MAGI3: variants seen among roughly 807,000 people sequenced by gnomAD.
MAGI3 encodes membrane associated guanylate kinase, WW and PDZ domain containing 3, also known as membrane-associated guanylate kinase, WW and PDZ domain-containing protein 3.
In MAGI3, 43 loss-of-function variants were observed where a neutral mutation model predicts 121.8. The ratio of observed to expected loss-of-function variants is 0.35; its 90% confidence interval spans 0.28 to 0.46. The LOEUF is 0.46. Among genes scored for constraint, MAGI3 ranks in the 20% least tolerant of loss-of-function variants. MAGI3 has a pLI of 1.00. For synonymous variants in MAGI3, 553 were observed against 639.3 expected, an observed-to-expected ratio of 0.86 and a Z score of 2.04; for missense variants, 1,547 against 1,797.3, an observed-to-expected ratio of 0.86 and a Z score of 2.52.
At chr1:113,612,331 A>C (rs1306170220) in intron 6 of MAGI3, among the ~76,000 whole-genome samples, 1 of 152,098 alleles carries the variant, frequency 6.6e-6, no homozygotes, top group African/African-American at 2.4e-5. Flanking sequence ...AAAAAAGATT[A>C]TGTTTATCTT....
intron 1 of MAGI3, among the ~76,000 whole-genome samples, chr1:113,451,403 C>A (rs1400421430): frequency 1.3e-5 from 2 of 152,040 alleles, no homozygotes; most frequent in African/African-American, 4.8e-5. Context: ...AGAAAATAAT[C>A]AAAACTGTGC....
intron 1 of MAGI3, among the ~76,000 whole-genome samples, chr1:113,397,196 C>CA (rs1372320238): frequency 6.6e-6 from 1 of 151,926 alleles, no homozygotes; most frequent in Non-Finnish European, 1.5e-5. Context: ...ATATGTTTTA[C>CA]AAAAAAACTT....
chr1:113,603,526 C>A (rs1455620227), intron 6 of MAGI3, among the ~76,000 whole-genome samples: 1 of 152,022 alleles, frequency 6.6e-6, no homozygotes, highest in Non-Finnish European at 1.5e-5. Context: ...CACCCTGATA[C>A]CAAAACCGGG....
In MAGI3 at chr1:113,391,360, C is replaced by T. The variant is rs987627805; in HGVS notation, c.316+11C>T. On this transcript the variant is annotated intron_variant, in intron 1 of 20. Transcript: ENST00000307546. This position sits in a 1 kb window ranked among gnomAD's most constrained non-coding sequence, Gnocchi z 4.4. ...AGACTGTGAAACCAGGTACGCCGGC[C>T]CTGCGTATCTGTCTCGGGGTGTTGG... 1.9e-6 allele frequency: 3 copies of T among 1,581,840 alleles called. No individual in the cohort carries two copies. Among genetic ancestry groups the T allele is most frequent in the South Asian group, 1.2e-5 (1 of 86,310 alleles).
intron 19 of MAGI3, among the ~76,000 whole-genome samples, chr1:113,674,343 G>A (rs577991144): frequency 3.6e-5 from 5 of 138,030 alleles, no homozygotes; most frequent in East Asian, 4.5e-4. Flanking sequence ...AGTGTGCCGA[G>A]ATCACACCAT....
chr1:113,416,024 T>G (rs1223823302), intron 1 of MAGI3, among the ~76,000 whole-genome samples: 35 of 138,100 alleles, frequency 2.5e-4, no homozygotes, highest in Admixed American at 7.8e-4. Flanking sequence ...ATTATGTAAT[T>G]AATGACACAT....
At chr1:113,613,579 C>T (rs1209402621) in intron 6 of MAGI3, among the ~76,000 whole-genome samples, 2 of 152,156 alleles carry the variant, frequency 1.3e-5, no homozygotes, top group Admixed American at 6.5e-5. Flanking sequence ...CTTTCTAAAC[C>T]TGTTTGCTGT....
chr1:113,627,438 C>T (rs1030493792), intron 9 of MAGI3, among the ~76,000 whole-genome samples: 3 of 151,688 alleles, frequency 2.0e-5, no homozygotes, highest in African/African-American at 7.2e-5. Flanking sequence ...TCTATTAGGT[C>T]CATGTAGTCT....
At chr1:113,592,447 A>G (rs978698414) in intron 5 of MAGI3, among the ~76,000 whole-genome samples, 5 of 152,156 alleles carry the variant, frequency 3.3e-5, no homozygotes, top group African/African-American at 9.6e-5. Flanking sequence ...ATTTTGGATC[A>G]TGGGAACCTA....
intron 1 of MAGI3, among the ~76,000 whole-genome samples, chr1:113,393,121 C>T (rs912250018): frequency 3.0e-4 from 45 of 152,162 alleles, no homozygotes; most frequent in Non-Finnish European, 5.0e-4. Flanking sequence ...GTCTAATCTA[C>T]CTGTTATACA....
At chr1:113,624,987 G>A (rs1300316035) in intron 9 of MAGI3, among the ~76,000 whole-genome samples, 1 of 152,038 alleles carries the variant, frequency 6.6e-6, no homozygotes, top group Non-Finnish European at 1.5e-5. Flanking sequence ...TATGTTCTTG[G>A]CACCTTTCTT....
intron 1 of MAGI3, among the ~76,000 whole-genome samples, chr1:113,413,886 A>C (rs994631680): frequency 6.6e-6 from 1 of 152,034 alleles, no homozygotes; most frequent in Non-Finnish European, 1.5e-5. Flanking sequence ...CTCTTGCCTG[A>C]TTATCCTGGC....
chr1:113,522,546 C>T (rs1325367957), intron 1 of MAGI3, among the ~76,000 whole-genome samples: 1 of 152,178 alleles, frequency 6.6e-6, no homozygotes, highest in African/African-American at 2.4e-5. Flanking sequence ...TCTGGCTACT[C>T]ACCTATAAAA....
intron 9 of MAGI3, among the ~76,000 whole-genome samples, chr1:113,625,762 A>G (rs1444496241): frequency 6.6e-6 from 1 of 151,912 alleles, no homozygotes; most frequent in African/African-American, 2.4e-5. Flanking sequence ...GGGCATCTTC[A>G]TTTTCCAGAT....
At chr1:113,413,176 T>A (rs1400545126) in intron 1 of MAGI3, among the ~76,000 whole-genome samples, 1 of 152,200 alleles carries the variant, frequency 6.6e-6, no homozygotes, top group Non-Finnish European at 1.5e-5. Context: ...TTGTCAAAAA[T>A]CAGATGGTTG....
chr1:113,416,360 T>C (rs867545636), intron 1 of MAGI3, among the ~76,000 whole-genome samples: 2 of 121,652 alleles, frequency 1.6e-5, no homozygotes, highest in African/African-American at 6.1e-5. Context: ...ATATATTAAT[T>C]TATATTATAT....
intron 1 of MAGI3, among the ~76,000 whole-genome samples, chr1:113,495,885 G>A (rs775270276): frequency 2.6e-5 from 4 of 152,152 alleles, no homozygotes; most frequent in Non-Finnish European, 5.9e-5. Flanking sequence ...AAGTAGAGCA[G>A]TATTATGACT....
At chr1:113,518,033 A>G (rs1339509827) in intron 1 of MAGI3, among the ~76,000 whole-genome samples, 1 of 152,034 alleles carries the variant, frequency 6.6e-6, no homozygotes, top group Admixed American at 6.6e-5. Flanking sequence ...ATGTACTTCA[A>G]TATCTCTAAA....
intron 9 of MAGI3, among the ~76,000 whole-genome samples, chr1:113,631,027 A>G (rs1651594934): frequency 6.6e-6 from 1 of 152,024 alleles, no homozygotes; most frequent in Admixed American, 6.5e-5. Context: ...CCCTATGGCT[A>G]GGGTCGACCC....
Sources: gnomAD v4.1 joint callset for allele counts (sites outside exome capture counted in the v4.1 genomes callset) on GRCh38, gnomAD v4.1.1 for gene constraint, Gnocchi (gnomAD v3.1) non-coding constraint, MANE v1.5 for transcripts, NCBI Gene and HGNC (gene_info 2026-07-23, HGNC 2026-07-21) for gene names.